Variants in LRCH3 observed in about 807,000 individuals in gnomAD.
LRCH3 encodes the protein DISP complex protein LRCH3.
In LRCH3, 68 loss-of-function variants were observed where a neutral mutation model predicts 104.5. The ratio of observed to expected loss-of-function variants is 0.65; its 90% CI spans 0.54 to 0.80. LRCH3 has a LOEUF of 0.80. Among genes scored for constraint, LRCH3 ranks in the 30% least tolerant of loss-of-function variants. The pLI is 0.00. For missense variants in LRCH3, 951 were observed against 953.9 expected, an observed-to-expected ratio of 1.00 and a Z score of 0.04; for synonymous variants, 344 against 361.3, an observed-to-expected ratio of 0.95 and a Z score of 0.54.
At chr3:197,855,771 A>G (rs1233976322) in intron 14 of LRCH3, among the ~76,000 whole-genome samples, 1 of 152,224 alleles carries the variant, frequency 6.6e-6, no homozygotes, top group African/African-American at 2.4e-5. Context: ...CCGTTTGTCA[A>G]AACACACTCA....
rs147369905 is a variant in LRCH3, at chr3:197,866,250, C to T, written c.1873+31C>T. 342 of 1,531,964 alleles carry T rather than the reference C, an allele frequency of 2.2e-4. 3 individuals are homozygous for T. The East Asian group carries it at 6.4e-3, about 29-fold the overall frequency. 94.9% of individuals were successfully genotyped at this position (1,531,964 alleles called of 1,614,324 possible). A position where few individuals can be genotyped will look rare whatever the true frequency, so the allele number is the denominator to read the frequency against. Reference sequence around the variant, plus strand: ...TGGTGGTGATTTTAAAAGCCAGGAGCGAGGGGAGGTTTACACAACGACGCT... The same window carrying T: ...TGGTGGTGATTTTAAAAGCCAGGAGTGAGGGGAGGTTTACACAACGACGCT... On this transcript the variant is annotated intron_variant, in intron 17 of 20. Coordinates refer to ENST00000425562, the MANE Select transcript of LRCH3 (RefSeq NM_001365715.1).
At chr3:197,852,435 A>C in intron 12 of LRCH3, 126 bp from the exon 13 acceptor site, 3 of 884,972 alleles carry the variant, frequency 3.4e-6, no homozygotes, top group Non-Finnish European at 5.4e-6. Context: ...GTAAATCTAG[A>C]AAAATGCTAT....
rs530779532 is a variant in LRCH3 at position 197,803,264 on chromosome 3, T to C, written c.263-11644T>C. Reference sequence around the variant, plus strand: ...ATGTGGTCATGCTTCTTTTAGCCTATAAAATTTGTGGCTTCTGGCCATCTA... The same window carrying C: ...ATGTGGTCATGCTTCTTTTAGCCTACAAAATTTGTGGCTTCTGGCCATCTA... On this transcript the variant is annotated intron_variant, in intron 1 of 20. Coordinates refer to ENST00000425562, the MANE Select transcript of LRCH3 (RefSeq NM_001365715.1). Among the ~76,000 whole-genome samples the C allele has an allele frequency of 2.0e-5, 3 of 152,326 alleles. No homozygotes were observed. In the South Asian group the frequency reaches 6.2e-4, roughly 32 times the overall value.
At chr3:197,846,432 C>G (rs1738726861) in intron 10 of LRCH3, among the ~76,000 whole-genome samples, 1 of 147,932 alleles carries the variant, frequency 6.8e-6, no homozygotes, top group South Asian at 2.1e-4. Context: ...CAGTGGCTCA[C>G]ACGCCTGTAA....
chr3:197,837,584 T>A (rs1427599135), intron 9 of LRCH3, among the ~76,000 whole-genome samples: 1 of 152,220 alleles, frequency 6.6e-6, no homozygotes, highest in Non-Finnish European at 1.5e-5. Context: ...ATGTGAGGTG[T>A]TAAACACTCT....
chr3:197,871,642 C>T (rs1341644211), intron 19 of LRCH3, 180 bp downstream of exon 19: 8 of 711,812 alleles, frequency 1.1e-5, no homozygotes, highest in Non-Finnish European at 1.6e-5. Context: ...CTACTTACAG[C>T]AGTGCGATAA....
chr3:197,807,549 ATC>A lies in LRCH3; in HGVS notation c.263-7355_263-7354del, dbSNP rs548136049. Among the ~76,000 whole-genome samples the A allele has an allele frequency of 9.2e-3, 1,396 of 152,022 alleles. 16 individuals are homozygous for A. Among genetic ancestry groups the A allele is most frequent in the Non-Finnish European group, 0.013 (866 of 67,954 alleles). On this transcript the variant is annotated intron_variant, in intron 1 of 20. Coordinates refer to ENST00000425562, the MANE Select transcript of LRCH3 (RefSeq NM_001365715.1). ...TCATGTTTTTAAATCCACTTTGCTAATCTCTGTATTTTGGTCATTTGATCTGT... is the reference window on the plus strand; with the variant it reads ...TCATGTTTTTAAATCCACTTTGCTAATCTGTATTTTGGTCATTTGATCTGT...
rs58866690 is a variant in LRCH3 at position 197,817,360 on chromosome 3, G to GTATATATATATATATATATATATATATA, written c.534+77_534+78insATATATATATATATATATATATATATAT. ...TGTGTGTGTGTCTGTGTGTGTGTGT[G>GTATATATATATATATATATATATATATA]TATATATATATATATATATGAAACC... On this transcript the variant is annotated intron_variant, in intron 3 of 20. Transcript: ENST00000425562. 93 of 90,008 alleles carry GTATATATATATATATATATATATATATA rather than the reference G, an allele frequency of 1.0e-3. 3 individuals are homozygous for GTATATATATATATATATATATATATATA. Among genetic ancestry groups the GTATATATATATATATATATATATATATA allele is most frequent in the African/African-American group, 7.9e-3 (92 of 11,710 alleles). 5.6% of individuals were successfully genotyped at this position (90,008 alleles called of 1,614,324 possible).
chr3:197,837,043 C>T (rs114768930), intron 9 of LRCH3, among the ~76,000 whole-genome samples: 203 of 151,968 alleles, frequency 1.3e-3, no homozygotes, highest in African/African-American at 4.3e-3. Flanking sequence ...TTTTGAACAC[C>T]GTATTTTTTG....
intron 4 of LRCH3, among the ~76,000 whole-genome samples, chr3:197,822,293 A>G (rs1466718182): frequency 6.6e-6 from 1 of 152,158 alleles, no homozygotes; most frequent in Non-Finnish European, 1.5e-5. Context: ...CAAAACCAAA[A>G]TCATGACCTC....
intron 9 of LRCH3, among the ~76,000 whole-genome samples, chr3:197,836,779 G>A (rs1408244510): frequency 6.6e-6 from 1 of 152,222 alleles, no homozygotes; most frequent in African/African-American, 2.4e-5. Context: ...CCAGGTTCAA[G>A]TGATTGTCCT....
intron 20 of LRCH3, among the ~76,000 whole-genome samples, chr3:197,880,000 C>T (rs534842079): frequency 8.0e-5 from 12 of 149,874 alleles, no homozygotes; most frequent in African/African-American, 2.0e-4. Context: ...GGCTGGAGTG[C>T]GGTGGCGCGA....
intron 14 of LRCH3, among the ~76,000 whole-genome samples, chr3:197,855,498 A>G (rs1303417776): frequency 6.6e-6 from 1 of 152,218 alleles, no homozygotes; most frequent in East Asian, 1.9e-4. Context: ...ACAAATGATT[A>G]CTGAGGCCCA....
At chr3:197,797,887 A>C (rs1430484235) in intron 1 of LRCH3, among the ~76,000 whole-genome samples, 10 of 146,318 alleles carry the variant, frequency 6.8e-5, no homozygotes, top group Admixed American at 4.0e-4. Flanking sequence ...AAAAAACAAA[A>C]AAAAAAACAA....
intron 9 of LRCH3, among the ~76,000 whole-genome samples, chr3:197,838,140 C>A (rs1737151751): frequency 6.6e-6 from 1 of 151,986 alleles, no homozygotes; most frequent in Non-Finnish European, 1.5e-5. Flanking sequence ...AGTGGTGTAG[C>A]TTGGCCTGGT....
At chr3:197,847,111 A>G (rs946818241) in intron 10 of LRCH3, among the ~76,000 whole-genome samples, 9 of 152,220 alleles carry the variant, frequency 5.9e-5, no homozygotes, top group African/African-American at 1.9e-4. Context: ...TATTTGTGTT[A>G]TAAAGAAATG....
At chr3:197,834,919 G>A (rs765831303) in intron 8 of LRCH3, among the ~76,000 whole-genome samples, 15 of 152,108 alleles carry the variant, frequency 9.9e-5, no homozygotes, top group Admixed American at 3.9e-4. Flanking sequence ...CACAGTGGGC[G>A]GATCGCTTGA....
At chr3:197,827,179 AACCATAGTGGAAGCATCAGGTAG>A (rs1560547951) in intron 5 of LRCH3, among the ~76,000 whole-genome samples, 165 bp downstream of exon 5, 2 of 151,786 alleles carry the variant, frequency 1.3e-5, no homozygotes, top group Admixed American at 1.3e-4. Flanking sequence ...GCATCAGGTA[AACCATAGTGGAAGCATCAGGTAG>A]ACCATGGTGG....
At chr3:197,834,791 G>A (rs1212112405) in intron 8 of LRCH3, among the ~76,000 whole-genome samples, 5 of 152,176 alleles carry the variant, frequency 3.3e-5, no homozygotes, top group Non-Finnish European at 7.4e-5. Flanking sequence ...ACATTCTTTA[G>A]TGAACTAGGA....
Sources: gnomAD v4.1 joint callset for allele counts (sites outside exome capture counted in the v4.1 genomes callset) on GRCh38, gnomAD v4.1.1 for gene constraint, MANE v1.5 for transcripts, NCBI Gene and HGNC (gene_info 2026-07-23, HGNC 2026-07-21) for gene names.